The following GBE1 variants were observed in gnomAD, a reference collection of about 807,000 sequenced individuals.
GBE1 encodes the protein 1,4-alpha-glucan branching enzyme 1, also known as 1,4-alpha-glucan-branching enzyme.
A neutral mutation model predicts 88.8 loss-of-function variants in GBE1; 70 were observed. That is an observed-to-expected ratio of 0.79 (90% CI 0.65 to 0.96). The LOEUF (loss-of-function observed/expected upper bound fraction) is 0.96, where lower values mean the gene tolerates loss of function less well. Ranked by LOEUF, GBE1 falls within the 40% of genes least tolerant of loss-of-function variation. The pLI is 0.00. For synonymous variants in GBE1, 284 were observed against 300.1 expected, an observed-to-expected ratio of 0.95 and a Z score of 0.56; for missense variants, 872 against 871.0, an observed-to-expected ratio of 1.00 and a Z score of -0.01.
At chr3:81,535,446 A>C in intron 13 of GBE1, 121 bp from the exon 14 acceptor site, 1 of 938,100 alleles carries the variant, frequency 1.1e-6, no homozygotes, top group Non-Finnish European at 1.5e-6. Flanking sequence ...TCAGAACACT[A>C]TATTTTTTTG....
chr3:81,620,185 ATTTT>A (rs5850530), intron 7 of GBE1, among the ~76,000 whole-genome samples: 1 of 142,748 alleles, frequency 7.0e-6, no homozygotes. Flanking sequence ...CATGGAAATA[ATTTT>A]TTTTTTTTTT....
At chr3:81,630,489 C>T (rs932650270) in intron 7 of GBE1, among the ~76,000 whole-genome samples, 10 of 152,116 alleles carry the variant, frequency 6.6e-5, no homozygotes, top group African/African-American at 9.7e-5. Flanking sequence ...GGAGGCATCA[C>T]GCTACCTGAC....
intron 2 of GBE1, 35 bp from the exon 3 acceptor site, chr3:81,670,988 T>C (rs368798063): frequency 3.4e-5 from 33 of 974,108 alleles, no homozygotes; most frequent in Admixed American, 2.9e-4. Context: ...AACAACAGCA[T>C]GATAGGACTA....
intron 7 of GBE1, among the ~76,000 whole-genome samples, chr3:81,614,653 A>T (rs1704225851): frequency 6.6e-6 from 1 of 152,004 alleles, no homozygotes; most frequent in African/African-American, 2.4e-5. Flanking sequence ...AGGTCAAAAG[A>T]TCCAGACCAG....
chr3:81,691,537 G>A (rs1030425457), intron 2 of GBE1, among the ~76,000 whole-genome samples: 2 of 152,152 alleles, frequency 1.3e-5, no homozygotes, highest in Non-Finnish European at 2.9e-5. Context: ...GAGGCAGGAG[G>A]AGGCCTTGGA....
chr3:81,653,489 A>G (rs1576186633), intron 3 of GBE1, among the ~76,000 whole-genome samples: 2 of 152,176 alleles, frequency 1.3e-5, no homozygotes. Flanking sequence ...CTGTCTACAA[A>G]AAAAAAATAA....
At chr3:81,546,662 G>C (rs1703208077) in intron 12 of GBE1, among the ~76,000 whole-genome samples, 2 of 151,444 alleles carry the variant, frequency 1.3e-5, no homozygotes, top group East Asian at 3.8e-4. Flanking sequence ...CAAATGCCAT[G>C]GCAACATCAG....
chr3:81,537,095 C>A lies in GBE1; in HGVS notation c.1619G>T (p.Gly540Val). Residue 540 changes from glycine to valine, a missense_variant and splice_region_variant, in exon 13 of 16, where the codon GGT becomes GTT. Physicochemically the swap from Gly to Val is moderately radical, Grantham distance 109. Coordinates refer to ENST00000429644, the MANE Select transcript of GBE1 (RefSeq NM_000158.4). ...LGGEGYLNFM[G>V]NEFGHPEWLD... is the part of the protein sequence containing the mutation. ...CCATTCAGGATGCCCAAATTCATTA[C>A]CTGCATTACAAAACACATGCAAATA... The A allele has an allele frequency of 1.3e-6, 2 of 1,505,116 alleles. No homozygotes were observed. Among genetic ancestry groups the A allele is most frequent in the Non-Finnish European group, 1.8e-6 (2 of 1,131,156 alleles). The allele number at this position is 1,505,116 out of a possible 1,614,324, so 93.2% of individuals were successfully genotyped here.
chr3:81,646,355 C>T, intron 6 of GBE1, 37 bp downstream of exon 6: 1 of 1,282,688 alleles, frequency 7.8e-7, no homozygotes, highest in Non-Finnish European at 1.1e-6. Context: ...ATTATTGGCT[C>T]AAAATAAAAA....
chr3:81,691,947 C>T (rs978978477), intron 2 of GBE1, among the ~76,000 whole-genome samples: 14 of 152,122 alleles, frequency 9.2e-5, no homozygotes, highest in Admixed American at 4.6e-4. Context: ...AGTTGACGGA[C>T]AGGAGCCAAG....
intron 7 of GBE1, among the ~76,000 whole-genome samples, chr3:81,605,699 G>T (rs1168036528): frequency 6.6e-6 from 1 of 152,054 alleles, no homozygotes; most frequent in East Asian, 1.9e-4. Flanking sequence ...ACACTTTTTT[G>T]TACAGAGCTA....
intron 7 of GBE1, chr3:81,612,220 T>TAAAAAAAA (rs11404629): frequency 8.9e-4 from 214 of 241,590 alleles, no homozygotes; most frequent in East Asian, 1.1e-3. Flanking sequence ...CACGCTCCTT[T>TAAAAAAAA]AAAAAAAAAA....
chr3:81,622,454 G>C (rs769262432), intron 7 of GBE1, among the ~76,000 whole-genome samples: 3 of 152,116 alleles, frequency 2.0e-5, no homozygotes, highest in Non-Finnish European at 2.9e-5. Context: ...GAGCTCAGTA[G>C]CTCAACCACA....
At chr3:81,519,861 C>T (rs1702849399) in intron 14 of GBE1, among the ~76,000 whole-genome samples, 1 of 151,368 alleles carries the variant, frequency 6.6e-6, no homozygotes, top group South Asian at 2.1e-4. Context: ...AGAAAGAAAC[C>T]TGCCTGGGCC....
At chr3:81,529,918 GTCTC>G (rs143064853) in intron 14 of GBE1, among the ~76,000 whole-genome samples, 2 of 149,574 alleles carry the variant, frequency 1.3e-5, no homozygotes, top group African/African-American at 2.4e-5. Context: ...GAATGAATCA[GTCTC>G]TCTCTCTCTC....
At chr3:81,760,943 T>C (rs370874211) in intron 1 of GBE1, among the ~76,000 whole-genome samples, 2 of 152,190 alleles carry the variant, frequency 1.3e-5, no homozygotes, top group East Asian at 3.8e-4. Flanking sequence ...TGAAATAAAC[T>C]AGAAAGTTTT....
intron 12 of GBE1, among the ~76,000 whole-genome samples, chr3:81,566,619 A>G (rs1703497789): frequency 6.6e-6 from 1 of 152,038 alleles, no homozygotes; most frequent in Admixed American, 6.6e-5. Flanking sequence ...ACTCCTAGAG[A>G]TGTCTATCTC....
intron 7 of GBE1, among the ~76,000 whole-genome samples, chr3:81,614,250 A>G (rs2106998634): frequency 6.6e-6 from 1 of 152,264 alleles, no homozygotes; most frequent in African/African-American, 2.4e-5. Flanking sequence ...ATCTTTCTCT[A>G]TAAATTTGGT....
chr3:81,730,181 T>C (rs1241768639), intron 1 of GBE1, among the ~76,000 whole-genome samples: 4 of 152,132 alleles, frequency 2.6e-5, no homozygotes, highest in African/African-American at 9.7e-5. Context: ...TATTACTATG[T>C]GCTCCATCAC....
Sources: gnomAD v4.1 joint callset for allele counts (sites outside exome capture counted in the v4.1 genomes callset) on GRCh38, gnomAD v4.1.1 for gene constraint, MANE v1.5 for transcripts, NCBI Gene and HGNC (gene_info 2026-07-23, HGNC 2026-07-21) for gene names.